The following MGAT5 variants were observed in gnomAD, a reference collection of about 807,000 sequenced individuals.
The protein encoded by MGAT5 is alpha-1,6-mannosylglycoprotein 6-beta-N-acetylglucosaminyltransferase.
MGAT5 carries 30 observed loss-of-function variants against 94.3 expected under a neutral mutation model. That is an observed-to-expected ratio of 0.32 (90% confidence interval 0.24 to 0.43). The LOEUF (loss-of-function observed/expected upper bound fraction) is 0.43. Among genes scored for constraint, MGAT5 ranks in the 20% least tolerant of loss-of-function variants. The pLI is 1.00. For missense variants in MGAT5, 691 were observed against 905.5 expected (o/e 0.76, Z 3.04); for synonymous variants, 310 against 322.9 (o/e 0.96, Z 0.43).
chr2:134,337,847 C>T (rs940648303), intron 5 of MGAT5, among the ~76,000 whole-genome samples: 5 of 148,436 alleles, frequency 3.4e-5, no homozygotes, highest in Admixed American at 2.0e-4. Context: ...GCAACTTCCA[C>T]GTTGTCAAAC....
intron 10 of MGAT5, among the ~76,000 whole-genome samples, chr2:134,369,654 T>C (rs1434367972): frequency 6.6e-6 from 1 of 151,698 alleles, no homozygotes; most frequent in Non-Finnish European, 1.5e-5. Context: ...CATTGGTTAC[T>C]TAGGGAGGGG....
upstream of MGAT5, among the ~76,000 whole-genome samples, chr2:134,251,749 AT>A (rs1682616127): frequency 6.6e-6 from 1 of 152,204 alleles, no homozygotes; most frequent in Non-Finnish European, 1.5e-5. Context: ...CCAAATAATT[AT>A]TACTTTTGTG....
chr2:134,240,095 G>A (rs557053369), intron 1 of MGAT5, among the ~76,000 whole-genome samples: 3 of 152,180 alleles, frequency 2.0e-5, no homozygotes, highest in Non-Finnish European at 4.4e-5. Context: ...GATACATAAA[G>A]TGTATAATGA....
rs540723060 is a variant in MGAT5 at position 134,291,502 on chromosome 2, A to T, written c.406+20952A>T. ...CAGACTAAGACAAGGTACGTTTAGG[A>T]TGGGGAAGGCCTCTGAAGGAGTGAT... On this transcript the variant is annotated intron_variant, in intron 2 of 15. Transcript: ENST00000281923. Among the ~76,000 whole-genome samples the T allele has an allele frequency of 2.6e-5, 4 of 152,190 alleles. No homozygotes were observed. The East Asian group carries it at 7.7e-4, about 29-fold the overall frequency.
Position 134,449,111 on chromosome 2 carries a change from G to T in MGAT5, c.*264G>T. Reference sequence around the variant, plus strand: ...TTTCTGTTTCTCAAGGAGCAACTGTGGGAAGACTGTCACTGCAGCTGCTCC... The same window carrying T: ...TTTCTGTTTCTCAAGGAGCAACTGTTGGAAGACTGTCACTGCAGCTGCTCC... On this transcript the variant is annotated 3_prime_UTR_variant, in exon 16 of 16. Coordinates refer to ENST00000281923, the MANE Select transcript of MGAT5 (RefSeq NM_002410.5). 2.0e-6 allele frequency: 1 copy of T among 508,934 alleles called. No homozygotes were observed. The highest frequency in any genetic ancestry group is 3.6e-6 in the Non-Finnish European group (1 of 281,622). The allele number at this position is 508,934 out of a possible 1,614,324, so 31.5% of individuals were successfully genotyped here.
intron 10 of MGAT5, among the ~76,000 whole-genome samples, chr2:134,400,640 A>G (rs1682989592): frequency 6.6e-6 from 1 of 151,992 alleles, no homozygotes; most frequent in Non-Finnish European, 1.5e-5. Flanking sequence ...TACAGTGGAT[A>G]TTTTTCTCCA....
intron 9 of MGAT5, among the ~76,000 whole-genome samples, chr2:134,356,465 A>G (rs946096079): frequency 6.6e-6 from 1 of 152,178 alleles, no homozygotes; most frequent in Non-Finnish European, 1.5e-5. Context: ...TGTCGATTTT[A>G]TCCACTGAAC....
intron 1 of MGAT5, among the ~76,000 whole-genome samples, chr2:134,162,640 A>G (rs1490367532): frequency 1.3e-5 from 2 of 152,246 alleles, no homozygotes. Context: ...ATTTCAACCC[A>G]GGTTCGTTCT....
At chr2:134,132,397 T>C (rs1192129166) in intron 1 of MGAT5, among the ~76,000 whole-genome samples, 4 of 152,208 alleles carry the variant, frequency 2.6e-5, no homozygotes, top group Non-Finnish European at 4.4e-5. Context: ...CATATGGAAG[T>C]AGGTAACAGT....
intron 1 of MGAT5, among the ~76,000 whole-genome samples, chr2:134,164,075 A>C (rs1205509389): frequency 6.6e-6 from 1 of 151,864 alleles, no homozygotes; most frequent in Non-Finnish European, 1.5e-5. Flanking sequence ...CCTATTTACC[A>C]CTCCATGTGC....
intron 1 of MGAT5, among the ~76,000 whole-genome samples, chr2:134,181,641 A>G (rs1480889077): frequency 6.6e-6 from 1 of 152,202 alleles, no homozygotes; most frequent in Non-Finnish European, 1.5e-5. Flanking sequence ...TCTAAATTCT[A>G]AATAATTGCT....
At chr2:134,234,057 A>G (rs1171154473) in intron 1 of MGAT5, among the ~76,000 whole-genome samples, 2 of 152,256 alleles carry the variant, frequency 1.3e-5, no homozygotes, top group African/African-American at 2.4e-5. Flanking sequence ...ATGATGGGTA[A>G]TAATCTCATT....
intron 14 of MGAT5, 58 bp from the exon 15 acceptor site, chr2:134,441,700 C>T: frequency 6.4e-7 from 1 of 1,563,358 alleles, no homozygotes; most frequent in Non-Finnish European, 8.7e-7. Flanking sequence ...GTTGGCAGGG[C>T]TGGGGATCCC....
intron 2 of MGAT5, among the ~76,000 whole-genome samples, chr2:134,294,217 G>A (rs762849389): frequency 1.3e-5 from 2 of 152,082 alleles, no homozygotes; most frequent in Non-Finnish European, 2.9e-5. Flanking sequence ...TGTTCTCTGC[G>A]GTTTAGCCCC....
chr2:134,314,052 A>G (rs1686856153), intron 2 of MGAT5, among the ~76,000 whole-genome samples: 1 of 152,232 alleles, frequency 6.6e-6, no homozygotes, highest in African/African-American at 2.4e-5. Context: ...ATGAGGAGCC[A>G]TCCTCTGAAA....
At chr2:134,234,806 A>G (rs1266529845) in intron 1 of MGAT5, among the ~76,000 whole-genome samples, 2 of 152,222 alleles carry the variant, frequency 1.3e-5, no homozygotes, top group African/African-American at 2.4e-5. Context: ...TAGTTGAGCA[A>G]TTAGGATAAA....
intron 1 of MGAT5, among the ~76,000 whole-genome samples, chr2:134,193,258 G>A (rs1279135301): frequency 6.6e-6 from 1 of 151,942 alleles, no homozygotes; most frequent in Non-Finnish European, 1.5e-5. Flanking sequence ...AAGCAGCTGG[G>A]ACTACAGGGA....
intron 13 of MGAT5, among the ~76,000 whole-genome samples, chr2:134,424,255 C>T (rs1318899934): frequency 6.6e-6 from 1 of 152,172 alleles, no homozygotes; most frequent in Admixed American, 6.5e-5. Flanking sequence ...CCATCTTACC[C>T]TCTGGGAAAC....
chr2:134,262,831 T>C (rs1435515126), intron 1 of MGAT5, among the ~76,000 whole-genome samples: 3 of 152,262 alleles, frequency 2.0e-5, no homozygotes, highest in Non-Finnish European at 4.4e-5. Flanking sequence ...GCAACCTGTT[T>C]ATGTAGCTAT....
Sources: gnomAD v4.1 joint callset for allele counts (sites outside exome capture counted in the v4.1 genomes callset) on GRCh38, gnomAD v4.1.1 for gene constraint, MANE v1.5 for transcripts, NCBI Gene and HGNC (gene_info 2026-07-23, HGNC 2026-07-21) for gene names.